AGBL1: variants seen among roughly 807,000 people sequenced by gnomAD.
The protein encoded by AGBL1 is cytosolic carboxypeptidase 4.
AGBL1 carries 130 observed loss-of-function variants against 118.9 expected under a neutral mutation model. That is an observed-to-expected ratio of 1.09 (90% CI 0.95 to 1.26). The LOEUF (loss-of-function observed/expected upper bound fraction) is 1.26. Among genes scored for constraint, AGBL1 ranks in the 50% most tolerant of loss-of-function variants. The probability of loss-of-function intolerance (pLI) is 0.00; values close to 1 mark genes in which losing one functional copy is unlikely to be tolerated. For missense variants in AGBL1, 1,584 were observed against 1,298.1 expected, an observed-to-expected ratio of 1.22 and a Z score of -3.38; for synonymous variants, 555 against 478.9, an observed-to-expected ratio of 1.16 and a Z score of -2.08.
At chr15:86,309,456 G>T (rs2079888390) in intron 17 of AGBL1, among the ~76,000 whole-genome samples, 1 of 152,182 alleles carries the variant, frequency 6.6e-6, no homozygotes, top group African/African-American at 2.4e-5. Context: ...AATAGAAGTG[G>T]TGAGAGTAGG....
At chr15:86,816,328 C>A (rs139412316) in intron 22 of AGBL1, among the ~76,000 whole-genome samples, 9 of 152,124 alleles carry the variant, frequency 5.9e-5, no homozygotes, top group African/African-American at 1.9e-4. Context: ...TGTGATACAC[C>A]GCAGAATAGT....
chr15:86,110,684 T>C (rs1161282271), intron 1 of AGBL1, among the ~76,000 whole-genome samples: 3 of 152,170 alleles, frequency 2.0e-5, no homozygotes. Flanking sequence ...AGGTTAATCA[T>C]TTTATTTTTT....
At chr15:86,669,957 C>T (rs184497991) in intron 21 of AGBL1, among the ~76,000 whole-genome samples, 67 of 152,112 alleles carry the variant, frequency 4.4e-4, no homozygotes, top group East Asian at 4.3e-3. Context: ...TTAAATCATG[C>T]GCATTTTTCA....
At position 86,492,599 on chromosome 15, in the gene AGBL1, AAAAAAAAAAAG is replaced by A. The variant is rs879734726; in HGVS notation, c.2556-30201_2556-30191del. On this transcript the variant is annotated intron_variant, in intron 18 of 22. Transcript: ENST00000614907. The stretch of plus-strand genomic sequence containing the variant: ...AGCGAGACTCTATCAAAAAAAAGAA[AAAAAAAAAAAG>A]AAAAAAAAAGAAAGTGAAACTGTAG... Among the ~76,000 whole-genome samples the A allele has an allele frequency of 5.6e-3, 737 of 132,018 alleles. 6 individuals are homozygous for A. Among genetic ancestry groups the A allele is most frequent in the Non-Finnish European group, 8.7e-3 (509 of 58,520 alleles). 86.6% of individuals were successfully genotyped at this position (132,018 alleles called of 152,430 possible).
intron 21 of AGBL1, among the ~76,000 whole-genome samples, chr15:86,651,214 A>AT (rs1478058506): frequency 2.6e-5 from 4 of 152,134 alleles, no homozygotes; most frequent in Non-Finnish European, 5.9e-5. Flanking sequence ...AGGATTATTC[A>AT]TTTTTAACCA....
At chr15:86,683,038 T>C (rs1471917831) in intron 22 of AGBL1, among the ~76,000 whole-genome samples, 1 of 152,184 alleles carries the variant, frequency 6.6e-6, no homozygotes, top group Non-Finnish European at 1.5e-5. Context: ...TCTTATCCTT[T>C]GTTATATTTA....
At chr15:86,836,904 T>C (rs2079177995) in intron 22 of AGBL1, among the ~76,000 whole-genome samples, 1 of 152,222 alleles carries the variant, frequency 6.6e-6, no homozygotes, top group African/African-American at 2.4e-5. Flanking sequence ...TTTATGCTAA[T>C]TTTCATTATC....
intron 22 of AGBL1, among the ~76,000 whole-genome samples, chr15:86,816,725 C>T (rs2078862832): frequency 6.6e-6 from 1 of 152,096 alleles, no homozygotes; most frequent in African/African-American, 2.4e-5. Flanking sequence ...CTTGGCACAA[C>T]TGGGAAACTG....
intron 18 of AGBL1, among the ~76,000 whole-genome samples, chr15:86,401,032 T>C (rs2081437333): frequency 3.3e-5 from 5 of 152,176 alleles, no homozygotes; most frequent in Admixed American, 2.6e-4. Flanking sequence ...TTAAGGAATC[T>C]CCATACTGTT....
chr15:86,434,566 A>G (rs999055260), intron 18 of AGBL1, among the ~76,000 whole-genome samples: 2 of 152,240 alleles, frequency 1.3e-5, no homozygotes, highest in African/African-American at 4.8e-5. Context: ...ACTCCTTGTC[A>G]TTATGGCTAA....
chr15:86,614,899 T>C (rs2084700951), intron 21 of AGBL1, among the ~76,000 whole-genome samples: 1 of 152,222 alleles, frequency 6.6e-6, no homozygotes, highest in South Asian at 2.1e-4. Context: ...TGGAGGCTTC[T>C]TTCTGAAGGT....
chr15:86,084,959 A>T (rs2141443094), intron 1 of AGBL1, among the ~76,000 whole-genome samples: 1 of 152,264 alleles, frequency 6.6e-6, no homozygotes, highest in Admixed American at 6.5e-5. Context: ...ACCCCTACTT[A>T]TTGATTTTTT....
chr15:86,893,574 A>T (rs567996688), intron 22 of AGBL1, among the ~76,000 whole-genome samples: 1 of 152,246 alleles, frequency 6.6e-6, no homozygotes, highest in East Asian at 1.9e-4. Flanking sequence ...TCACATCATA[A>T]AGTTGCAAAT....
rs754022234 is a variant in AGBL1, at chr15:86,247,750, C to A, written c.606C>A (p.Asp202Glu). 1 of 1,613,924 alleles carries A rather than the reference C, an allele frequency of 6.2e-7. No homozygotes were observed. The highest frequency in any genetic ancestry group is 1.1e-5 in the South Asian group (1 of 91,054). ...LGLHQDWHSH[D>E]TANAYVQIRR... ...TGCACCAGGACTGGCACAGCCATGA[C>A]ACAGCCAACGCCTACGTGCAGATCC... Residue 202 changes from aspartate to glutamate, a missense_variant, in exon 7 of 23, where the codon GAC (aspartate) becomes GAA (glutamate). Asp to Glu is a conservative substitution (Grantham distance 45, BLOSUM62 2). Coordinates refer to ENST00000614907, the MANE Select transcript of AGBL1 (RefSeq NM_001386094.1).
intron 18 of AGBL1, among the ~76,000 whole-genome samples, chr15:86,418,455 T>G (rs564110313): frequency 1.3e-5 from 2 of 152,292 alleles, no homozygotes; most frequent in Admixed American, 1.3e-4. Context: ...TTCCCAAAAT[T>G]GTTCTTGGTT....
At chr15:86,569,300 A>G (rs1030265121) in intron 21 of AGBL1, among the ~76,000 whole-genome samples, 2 of 151,980 alleles carry the variant, frequency 1.3e-5, no homozygotes, top group Non-Finnish European at 2.9e-5. Flanking sequence ...CCATGGTGGC[A>G]CGTGCTTGTG....
At chr15:87,006,942 A>T (rs909205226) in intron 24 of AGBL1, among the ~76,000 whole-genome samples, 1 of 152,184 alleles carries the variant, frequency 6.6e-6, no homozygotes, top group Non-Finnish European at 1.5e-5. Flanking sequence ...TTGAGCTTTA[A>T]GTAGGATGGG....
chr15:87,026,380 AC>A (rs1159165730), intron 24 of AGBL1, among the ~76,000 whole-genome samples: 2 of 152,082 alleles, frequency 1.3e-5, no homozygotes, highest in African/African-American at 4.8e-5. Flanking sequence ...CAAATGGCCA[AC>A]AAATATGAAA....
intron 22 of AGBL1, among the ~76,000 whole-genome samples, chr15:86,776,958 T>G (rs1172808951): frequency 3.3e-5 from 5 of 152,080 alleles, no homozygotes; most frequent in Non-Finnish European, 4.4e-5. Context: ...TCTAAGAAAT[T>G]GTTCCTAACC....
Sources: gnomAD v4.1 joint callset for allele counts (sites outside exome capture counted in the v4.1 genomes callset) on GRCh38, gnomAD v4.1.1 for gene constraint, MANE v1.5 for transcripts, NCBI Gene and HGNC (gene_info 2026-07-23, HGNC 2026-07-21) for gene names.